Variants in EXOC4 observed in about 807,000 individuals in gnomAD.
EXOC4 encodes exocyst complex component 4, also known as SEC8-like 1.
In EXOC4, 71 loss-of-function variants were observed where a neutral mutation model predicts 107.2. The observed-to-expected ratio is 0.66, with a 90% confidence interval of 0.55 to 0.81. The LOEUF (loss-of-function observed/expected upper bound fraction) is 0.81, where lower values mean the gene tolerates loss of function less well. Among genes scored for constraint, EXOC4 ranks in the 30% least tolerant of loss-of-function variants. The pLI, the probability that EXOC4 is intolerant of heterozygous loss-of-function variation, is 0.00. For missense variants in EXOC4, 1,108 were observed against 1,189.6 expected, an observed-to-expected ratio of 0.93 and a Z score of 1.01; for synonymous variants, 456 against 441.2, an observed-to-expected ratio of 1.03 and a Z score of -0.42.
chr7:133,521,605 GT>G (rs992464012), intron 9 of EXOC4, among the ~76,000 whole-genome samples: 7 of 147,834 alleles, frequency 4.7e-5, no homozygotes, highest in African/African-American at 7.4e-5. Flanking sequence ...TCAGTTCCGT[GT>G]TTTTTTTTTG....
chr7:133,623,171 G>A (rs1030483708), intron 9 of EXOC4, among the ~76,000 whole-genome samples: 1 of 151,638 alleles, frequency 6.6e-6, no homozygotes. Flanking sequence ...TAATAACTTG[G>A]CACCTGTCTT....
At chr7:133,576,553 C>T (rs1801133178) in intron 9 of EXOC4, 1 of 1,289,654 alleles carries the variant, frequency 7.8e-7, no homozygotes, top group Non-Finnish European at 1.0e-6. Context: ...CCAAAATGAG[C>T]AAAGGAGAGG....
chr7:133,629,658 A>G (rs1201202662), intron 9 of EXOC4, among the ~76,000 whole-genome samples: 2 of 151,488 alleles, frequency 1.3e-5, no homozygotes, highest in African/African-American at 2.4e-5. Flanking sequence ...CTCCTGCCTC[A>G]ACCTCCCAAG....
intron 14 of EXOC4, among the ~76,000 whole-genome samples, chr7:133,941,915 A>C (rs1010708083): frequency 6.6e-6 from 1 of 151,322 alleles, no homozygotes; most frequent in African/African-American, 2.4e-5. Context: ...TAAAGGCACA[A>C]ATAATGCTGG....
chr7:133,903,573 C>G (rs1174412757), intron 12 of EXOC4, among the ~76,000 whole-genome samples: 3 of 152,156 alleles, frequency 2.0e-5, no homozygotes, highest in Non-Finnish European at 4.4e-5. Context: ...GAGTTGCCAG[C>G]TATTGTGACG....
At chr7:133,715,977 G>A (rs1418540048) in intron 10 of EXOC4, among the ~76,000 whole-genome samples, 1 of 152,192 alleles carries the variant, frequency 6.6e-6, no homozygotes, top group Non-Finnish European at 1.5e-5. Flanking sequence ...ATTTATAGGT[G>A]ATGCAGAATC....
chr7:133,583,622 G>T (rs796653358), intron 9 of EXOC4, among the ~76,000 whole-genome samples: 1 of 152,138 alleles, frequency 6.6e-6, no homozygotes, highest in Non-Finnish European at 1.5e-5. Flanking sequence ...AGAACCAGTT[G>T]TATTTAGAGG....
chr7:133,962,621 A>G (rs1027068730), intron 14 of EXOC4, among the ~76,000 whole-genome samples: 5 of 152,206 alleles, frequency 3.3e-5, no homozygotes, highest in African/African-American at 1.2e-4. Context: ...TATACTATCT[A>G]AATCTTACCA....
chr7:133,733,032 A>G (rs1795361562), intron 10 of EXOC4: 1 of 178,498 alleles, frequency 5.6e-6, no homozygotes, highest in Middle Eastern at 2.7e-3. Context: ...ATCAGCCTGA[A>G]TTTTCTAAAT....
At chr7:133,573,398 G>A (rs947708581) in intron 9 of EXOC4, among the ~76,000 whole-genome samples, 39 of 152,118 alleles carry the variant, frequency 2.6e-4, no homozygotes, top group Non-Finnish European at 4.7e-4. Context: ...CAGTTTCAGC[G>A]CCAGATAGTA....
intron 10 of EXOC4, among the ~76,000 whole-genome samples, chr7:133,779,802 T>A (rs564548637): frequency 6.6e-6 from 1 of 151,724 alleles, no homozygotes; most frequent in African/African-American, 2.4e-5. Context: ...ACCAATCAGC[T>A]CTCTGTAAAA....
chr7:133,805,382 A>G (rs1467503824), intron 10 of EXOC4, among the ~76,000 whole-genome samples: 3 of 152,260 alleles, frequency 2.0e-5, no homozygotes, highest in Non-Finnish European at 4.4e-5. Flanking sequence ...CAGAGAGTAC[A>G]TGGAACTCAA....
intron 10 of EXOC4, among the ~76,000 whole-genome samples, chr7:133,707,137 A>T (rs1273965099): frequency 6.6e-6 from 1 of 151,968 alleles, no homozygotes; most frequent in Non-Finnish European, 1.5e-5. Flanking sequence ...CTAATTTAGG[A>T]CATAATTAAT....
intron 10 of EXOC4, among the ~76,000 whole-genome samples, chr7:133,765,480 T>G (rs1796117194): frequency 1.3e-5 from 2 of 152,040 alleles, no homozygotes; most frequent in Non-Finnish European, 2.9e-5. Context: ...GCTCTATGTG[T>G]GTCTCCAGAT....
At position 133,835,428 on chromosome 7, in the gene EXOC4, T is replaced by C. The variant is rs138818620; in HGVS notation, c.1734+17884T>C. The stretch of plus-strand genomic sequence containing the variant: ...TCCAGAAAGGTGGGACAGTTCGAAG[T>C]GGGACGGGGCTTTGTGTTCATAGGT... On this transcript the variant is annotated intron_variant, in intron 11 of 17. Coordinates refer to ENST00000253861, the MANE Select transcript of EXOC4 (RefSeq NM_021807.4). Among the ~76,000 whole-genome samples the C allele has an allele frequency of 2.4e-3, 367 of 152,204 alleles. 5 individuals carry two copies. Among genetic ancestry groups the C allele is most frequent in the African/African-American group, 8.3e-3 (343 of 41,488 alleles).
intron 7 of EXOC4, among the ~76,000 whole-genome samples, chr7:133,409,300 A>G (rs1797301460): frequency 6.6e-6 from 1 of 152,204 alleles, no homozygotes; most frequent in African/African-American, 2.4e-5. Context: ...TTCTTAATTC[A>G]TTGCCATTAT....
intron 10 of EXOC4, among the ~76,000 whole-genome samples, chr7:133,744,542 T>C (rs901437922): frequency 6.6e-6 from 1 of 152,166 alleles, no homozygotes; most frequent in Non-Finnish European, 1.5e-5. Context: ...GAGAGTGAGA[T>C]AGAAGAGTAT....
chr7:133,276,478 A>G (rs1001866592), intron 2 of EXOC4, among the ~76,000 whole-genome samples: 2 of 152,212 alleles, frequency 1.3e-5, no homozygotes, highest in Admixed American at 6.5e-5. Flanking sequence ...TTTAAACTCT[A>G]ATCTCCCAGA....
chr7:133,877,734 G>C (rs1334990660), intron 11 of EXOC4, among the ~76,000 whole-genome samples: 1 of 152,198 alleles, frequency 6.6e-6, no homozygotes, highest in Non-Finnish European at 1.5e-5. Flanking sequence ...GATCTACACA[G>C]ATCTTGTGCT....
Sources: allele counts gnomAD v4.1 joint callset (sites outside exome capture counted in the v4.1 genomes callset), GRCh38; gene constraint gnomAD v4.1.1; transcripts MANE v1.5; gene names NCBI Gene and HGNC (gene_info 2026-07-23, HGNC 2026-07-21).